Variants in NRXN1 observed in about 807,000 individuals in gnomAD.
NRXN1 encodes the protein neurexin-1.
Under a neutral mutation model 150.9 loss-of-function variants are expected in NRXN1, and 39 were observed. The ratio of observed to expected loss-of-function variants is 0.26; its 90% CI spans 0.20 to 0.34. The LOEUF (loss-of-function observed/expected upper bound fraction) is 0.34, where lower values mean the gene tolerates loss of function less well. NRXN1 is among the 10% of genes least tolerant of loss of function. The pLI is 1.00. For missense variants in NRXN1, 1,815 were observed against 1,949.9 expected, an observed-to-expected ratio of 0.93 and a Z score of 1.30; for synonymous variants, 924 against 757.0, an observed-to-expected ratio of 1.22 and a Z score of -3.62.
At chr2:50,812,094 T>A (rs1002038527) in intron 5 of NRXN1, among the ~76,000 whole-genome samples, 1 of 152,164 alleles carries the variant, frequency 6.6e-6, no homozygotes, top group Non-Finnish European at 1.5e-5. Context: ...AAAACTTAAC[T>A]GTACTTTTCA....
rs559629390 is a variant in NRXN1, at chr2:50,487,473, C to G, written c.3070+8432G>C. 3.9e-5 allele frequency among the ~76,000 whole-genome samples: 6 copies of G among 152,280 alleles called. No individual in the cohort carries two copies. In the South Asian group the frequency reaches 1.2e-3, roughly 32 times the overall value. On this transcript the variant is annotated intron_variant, in intron 15 of 22. Transcript: ENST00000401669. ...TCCTAAGGAGCACTGGAAGTACCCT[C>G]TAGTGCATGAAAATAAAGAGCCACA...
At chr2:50,998,598 G>A (rs1386211585) in intron 2 of NRXN1, among the ~76,000 whole-genome samples, 1 of 152,060 alleles carries the variant, frequency 6.6e-6, no homozygotes, top group East Asian at 1.9e-4. Flanking sequence ...ATGATTTCAT[G>A]AAGGTATGCA....
At chr2:50,168,125 C>T (rs1279254370) in intron 18 of NRXN1, among the ~76,000 whole-genome samples, 1 of 152,010 alleles carries the variant, frequency 6.6e-6, no homozygotes, top group African/African-American at 2.4e-5. Flanking sequence ...GTGTCTCTGC[C>T]TCAGGACCAT....
intron 2 of NRXN1, among the ~76,000 whole-genome samples, chr2:51,014,078 A>G (rs1668300455): frequency 2.0e-5 from 3 of 152,078 alleles, no homozygotes. Context: ...TTTCCAAGGC[A>G]TGATGGGAAA....
At chr2:50,526,097 C>T (rs566353849) in intron 12 of NRXN1, among the ~76,000 whole-genome samples, 3 of 152,252 alleles carry the variant, frequency 2.0e-5, no homozygotes, top group East Asian at 3.9e-4. Flanking sequence ...AGTACAAATG[C>T]TGTAAACTTG....
intron 16 of NRXN1, among the ~76,000 whole-genome samples, chr2:50,468,413 A>G (rs2089138328): frequency 6.6e-6 from 1 of 151,612 alleles, no homozygotes; most frequent in African/African-American, 2.4e-5. Context: ...GCCTGACAAG[A>G]CACATTTTTC....
chr2:50,840,749 G>T (rs1370888443), intron 5 of NRXN1, among the ~76,000 whole-genome samples: 2 of 152,140 alleles, frequency 1.3e-5, no homozygotes, highest in African/African-American at 4.8e-5. Flanking sequence ...CATCACAAAT[G>T]ATCCACTCTA....
intron 5 of NRXN1, among the ~76,000 whole-genome samples, chr2:50,806,733 GTC>G (rs201753044): frequency 1.1e-4 from 16 of 150,498 alleles, no homozygotes; most frequent in East Asian, 1.9e-4. Flanking sequence ...TTTCCACTCT[GTC>G]TCTCTCTCTC....
chr2:50,966,081 A>G (rs1694020335), intron 2 of NRXN1, among the ~76,000 whole-genome samples: 1 of 151,738 alleles, frequency 6.6e-6, no homozygotes, highest in African/African-American at 2.4e-5. Flanking sequence ...AATAAAAAAT[A>G]AAGCTCACCT....
intron 5 of NRXN1, among the ~76,000 whole-genome samples, chr2:50,780,617 T>C (rs1198240643): frequency 1.3e-5 from 2 of 152,172 alleles, no homozygotes; most frequent in Admixed American, 1.3e-4. Flanking sequence ...TGATTTTCAT[T>C]CTTCACTAAT....
rs1002586953 is a variant in NRXN1, at chr2:50,421,238, G to A, written c.3364+44204C>T. 5.9e-5 allele frequency among the ~76,000 whole-genome samples: 9 copies of A among 151,978 alleles called. No individual in the cohort carries two copies. The South Asian group carries it at 6.2e-4, about 11-fold the overall frequency. ...GTTTTAAGAAAAGGAATTATTTGTG[G>A]TTTTCCACTTTGCATGCCAAAACAG... On this transcript the variant is annotated intron_variant, in intron 17 of 22. Transcript: ENST00000401669.
chr2:50,948,017 C>A (rs1429192240), intron 2 of NRXN1, among the ~76,000 whole-genome samples: 1 of 151,784 alleles, frequency 6.6e-6, no homozygotes, highest in African/African-American at 2.4e-5. Context: ...AAATCCTTCC[C>A]ACATAATCCT....
chr2:50,621,659 C>G (rs1331886122), intron 6 of NRXN1, among the ~76,000 whole-genome samples: 1 of 152,042 alleles, frequency 6.6e-6, no homozygotes, highest in African/African-American at 2.4e-5. Flanking sequence ...CATACTTGAC[C>G]CCTCCTCCAC....
chr2:50,542,531 A>T (rs942273463), intron 9 of NRXN1, among the ~76,000 whole-genome samples: 3 of 152,208 alleles, frequency 2.0e-5, no homozygotes, highest in Non-Finnish European at 4.4e-5. Flanking sequence ...GTACTACTTT[A>T]TCTATATGCT....
intron 21 of NRXN1, among the ~76,000 whole-genome samples, chr2:49,960,905 G>C (rs1409177854): frequency 6.6e-6 from 1 of 152,100 alleles, no homozygotes; most frequent in African/African-American, 2.4e-5. Context: ...GGAATCCATA[G>C]CATACTATAA....
chr2:50,082,520 A>G (rs1698120072), intron 19 of NRXN1, among the ~76,000 whole-genome samples: 1 of 152,230 alleles, frequency 6.6e-6, no homozygotes, highest in African/African-American at 2.4e-5. Flanking sequence ...ATTAATAAAC[A>G]TTTCTCAATT....
At chr2:50,173,204 A>G (rs984199688) in intron 18 of NRXN1, among the ~76,000 whole-genome samples, 1 of 152,180 alleles carries the variant, frequency 6.6e-6, no homozygotes, top group African/African-American at 2.4e-5. Context: ...CCAAAAGCAA[A>G]AACTCATCAG....
chr2:50,913,470 C>G (rs1684806655), intron 5 of NRXN1, among the ~76,000 whole-genome samples: 1 of 151,566 alleles, frequency 6.6e-6, no homozygotes, highest in South Asian at 2.1e-4. Flanking sequence ...GTAACTCAAG[C>G]CAAAGAATAA....
At chr2:51,029,474 T>G (rs1201899048) in intron 1 of NRXN1, among the ~76,000 whole-genome samples, 1 of 152,246 alleles carries the variant, frequency 6.6e-6, no homozygotes, top group African/African-American at 2.4e-5. Context: ...GGTTATCTTT[T>G]TCTTTTCGCA....
Sources: allele counts gnomAD v4.1 joint callset (sites outside exome capture counted in the v4.1 genomes callset), GRCh38; gene constraint gnomAD v4.1.1; transcripts MANE v1.5; gene names NCBI Gene and HGNC (gene_info 2026-07-23, HGNC 2026-07-21).